TEPSIN: variants seen among roughly 807,000 people sequenced by gnomAD.
TEPSIN encodes the protein TEPSIN adaptor related protein complex 4 accessory protein, also known as AP-4 complex accessory subunit tepsin.
Under a neutral mutation model 48.5 loss-of-function variants are expected in TEPSIN, and 50 were observed. The observed-to-expected ratio is 1.03, with a 90% CI of 0.82 to 1.31. The LOEUF is 1.31. Among genes scored for constraint, TEPSIN ranks in the 50% most tolerant of loss-of-function variants. TEPSIN has a pLI of 0.00. For synonymous variants in TEPSIN, 392 were observed against 358.8 expected (o/e 1.09, Z -1.05); for missense variants, 838 against 815.9 (o/e 1.03, Z -0.33).
Position 81,230,655 on chromosome 17 carries a change from G to A in TEPSIN, c.1122C>T (p.Ser374=). The A allele has an allele frequency of 6.3e-7, 1 of 1,576,876 alleles. No individual in the cohort carries two copies. The highest frequency in any genetic ancestry group is 1.4e-5 in the African/African-American group (1 of 73,800). The change falls in exon 12 of 13, where the codon TCC becomes TCT. Residue 374 remains serine (S), a synonymous_variant. Transcript: ENST00000637944. This position sits in a 1 kb window ranked among gnomAD's most constrained non-coding sequence, Gnocchi z 4.2. ...TQLRALCAIA[S]LGSSDLLPQE... ...GGGGGAGGAGGTCGCTGCTCCCCAG[G>A]GAGGCGATGGCACACAGCGCCCTCT...
At chr17:81,236,222 C>G (rs2062717792) in intron 4 of TEPSIN, among the ~76,000 whole-genome samples, 1 of 152,244 alleles carries the variant, frequency 6.6e-6, no homozygotes, top group South Asian at 2.1e-4. Flanking sequence ...GGGGCCCCGC[C>G]TCTCCTGCCT....
intron 11 of TEPSIN, chr17:81,231,042 GAC>G: frequency 4.3e-6 from 2 of 468,462 alleles, no homozygotes; most frequent in South Asian, 5.5e-5. Context: ...CACGCCCCCC[GAC>G]ACACGCACAC....
Position 81,228,811 on chromosome 17 carries a change from C to T in TEPSIN, c.*117G>A, listed in dbSNP as rs1598343948. ...GGGGAAACTGAGGTAGCCCTAGGGT[C>T]GTCCTCTCAAGTCAAGCTGCCTGGA... On this transcript the variant is annotated 3_prime_UTR_variant, in exon 13 of 13. Transcript: ENST00000637944. The T allele has an allele frequency of 7.1e-6, 9 of 1,266,866 alleles. No individual in the cohort carries two copies. Among genetic ancestry groups the T allele is most frequent in the Middle Eastern group, 5.2e-4 (2 of 3,822 alleles). 78.5% of individuals were successfully genotyped at this position (1,266,866 alleles called of 1,614,324 possible).
In TEPSIN at chr17:81,233,905, C is replaced by G; in HGVS notation, c.375+76G>C. ...GATGGGAGAACTGCAAACCCCCCAG[C>G]TGACATCCTGGCCCCAATCCCACCC... On this transcript the variant is annotated intron_variant, in intron 5 of 12. Coordinates refer to ENST00000637944, the MANE Select transcript of TEPSIN (RefSeq NM_001363764.2). This position sits in a 1 kb window ranked among gnomAD's most constrained non-coding sequence, Gnocchi z 5.8. 1 of 1,491,672 alleles carries G rather than the reference C, an allele frequency of 6.7e-7. No homozygotes were observed. Among genetic ancestry groups the G allele is most frequent in the Non-Finnish European group, 9.0e-7 (1 of 1,111,554 alleles). The allele number at this position is 1,491,672 out of a possible 1,614,324, so 92.4% of individuals were successfully genotyped here.
At chr17:81,238,144 T>G in intron 1 of TEPSIN, 5 of 985,522 alleles carry the variant, frequency 5.1e-6, no homozygotes, top group Non-Finnish European at 6.0e-6. Context: ...AGCCTTTCGG[T>G]CGGAAGGGCC....
chr17:81,231,182 C>T (rs965020237), intron 11 of TEPSIN: 5 of 597,946 alleles, frequency 8.4e-6, no homozygotes, highest in East Asian at 2.8e-5. Flanking sequence ...GTGTACACAC[C>T]GCACACATGC....
chr17:81,230,316 G>T lies in TEPSIN; in HGVS notation c.1233+228C>A. ...TGGGGGCTTCCAGGAATAGGTAGAG[G>T]CCAGTGTACTGTGAGTGCTGCAGAG... On this transcript the variant is annotated intron_variant, in intron 12 of 12. Coordinates refer to ENST00000637944, the MANE Select transcript of TEPSIN (RefSeq NM_001363764.2). The surrounding 1 kb of genome is among the most constrained non-coding windows in gnomAD (Gnocchi z 4.2). 1 of 544,682 alleles carries T rather than the reference G, an allele frequency of 1.8e-6. No homozygotes were observed. The highest frequency in any genetic ancestry group is 3.2e-6 in the Non-Finnish European group (1 of 314,654). 33.7% of individuals were successfully genotyped at this position (544,682 alleles called of 1,614,324 possible).
chr17:81,237,136 A>G, intron 2 of TEPSIN, 65 bp from the exon 3 acceptor site: 1 of 1,480,150 alleles, frequency 6.8e-7, no homozygotes, highest in Non-Finnish European at 9.2e-7. Flanking sequence ...CAGGGAGACC[A>G]GGCCATGGGG....
intron 8 of TEPSIN, 32 bp from the exon 9 acceptor site, chr17:81,232,053 T>C: frequency 5.0e-6 from 8 of 1,594,100 alleles, no homozygotes; most frequent in South Asian, 1.1e-5. Context: ...GTGAGATCCC[T>C]GGGGCTTCAG....
rs747438452 is a variant in TEPSIN, at chr17:81,231,620, C to T, written c.977G>A (p.Arg326His). 19 of 1,613,032 alleles carry T rather than the reference C, an allele frequency of 1.2e-5. No individual in the cohort carries two copies. Among genetic ancestry groups the T allele is most frequent in the African/African-American group, 6.7e-5 (5 of 74,910 alleles). ...SLVRTVTRGPRAFLSREEAQH... is the reference protein window; with the variant it reads ...SLVRTVTRGPHAFLSREEAQH... Reference sequence around the variant, plus strand: ...TGCCTCCTCGCGGCTCAGGAAGGCGCGTGGTCCCCGAGTCACAGTCCTCAC... The same window carrying T: ...TGCCTCCTCGCGGCTCAGGAAGGCGTGTGGTCCCCGAGTCACAGTCCTCAC... Residue 326 changes from arginine to histidine, a missense_variant, in exon 10 of 13, where the codon CGC becomes CAC. Physicochemically the swap from Arg to His is conservative, Grantham distance 29 (BLOSUM62 0). Coordinates refer to ENST00000637944, the MANE Select transcript of TEPSIN (RefSeq NM_001363764.2).
rs779676911 is a variant in TEPSIN at position 81,229,008 on chromosome 17, G to A, written c.1702C>T (p.Pro568Ser). The change falls in exon 13 of 13, where the codon CCC (proline) becomes TCC (serine). Residue 568 changes from proline to serine, a missense_variant. Coordinates refer to ENST00000637944, the MANE Select transcript of TEPSIN (RefSeq NM_001363764.2). ...GCTGTCCTCTGGGACGATGTTTGGGGGGCGCGGGGAGCATCAGGACAGGAC... is the reference window on the plus strand; with the variant it reads ...GCTGTCCTCTGGGACGATGTTTGGGAGGCGCGGGGAGCATCAGGACAGGAC... ...GESCPDAPRA[P>S]QTSSQRTAAK... is the part of the protein sequence containing the mutation. 4.3e-6 allele frequency: 7 copies of A among 1,613,538 alleles called. No homozygotes were observed. The Admixed American group carries it at 1.0e-4, about 23-fold the overall frequency.
In TEPSIN at chr17:81,230,495, C is replaced by T. The variant is rs1378693746; in HGVS notation, c.1233+49G>A. 5 of 1,602,904 alleles carry T rather than the reference C, an allele frequency of 3.1e-6. No homozygotes were observed. The East Asian group carries it at 9.0e-5, about 29-fold the overall frequency. On this transcript the variant is annotated intron_variant, in intron 12 of 12. Transcript: ENST00000637944. The surrounding 1 kb of genome is among the most constrained non-coding windows in gnomAD (Gnocchi z 4.2). ...TGGCCGTGGACTGCAGCGTATCTCC[C>T]ACTGTACCCTTGGACCCCGGTGTGC... is the stretch of plus-strand genomic sequence containing the variant.
chr17:81,233,483 GC>G lies in TEPSIN; in HGVS notation c.474del (p.Arg158SerfsTer63). 6.2e-7 allele frequency: 1 copy of G among 1,606,270 alleles called. No homozygotes were observed. The highest frequency in any genetic ancestry group is 8.5e-7 in the Non-Finnish European group (1 of 1,176,506). ...PPATGMGSQA[R>X]PHSTLQGFGY... is the part of the protein sequence containing the mutation. ...CCGAAACCCTGGAGGGTGCTGTGCG[GC>G]CTGGCCTGGGAGCCCATGCCTGCAG... On this transcript the variant is annotated frameshift_variant, in exon 7 of 13. Transcript: ENST00000637944. LOFTEE classifies it high-confidence loss of function. The surrounding 1 kb of genome is among the most constrained non-coding windows in gnomAD (Gnocchi z 5.8).
intron 1 of TEPSIN, chr17:81,238,361 C>A: frequency 3.4e-6 from 1 of 297,262 alleles, no homozygotes; most frequent in Non-Finnish European, 5.0e-6. Context: ...TGGCTTCTGG[C>A]AGCCCAAGGT....
In TEPSIN at chr17:81,229,368, C is replaced by T. The variant is rs756668481; in HGVS notation, c.1342G>A (p.Asp448Asn). ...ALPGPSDLLTDAVPLPGSQVF... is the reference protein window; with the variant it reads ...ALPGPSDLLTNAVPLPGSQVF... ...TGGCTCCCAGGGAGAGGCACAGCGTCGGTCAGCAGGTCAGATGGGCCTGGG... is the reference window on the plus strand; with the variant it reads ...TGGCTCCCAGGGAGAGGCACAGCGTTGGTCAGCAGGTCAGATGGGCCTGGG... The change falls in exon 13 of 13, where the codon GAC becomes AAC. Residue 448 changes from aspartate (D) to asparagine (N), a missense_variant. By Grantham distance (23) the Asp-to-Asn change is conservative. Transcript: ENST00000637944. 1.9e-5 allele frequency: 29 copies of T among 1,558,946 alleles called. No individual in the cohort carries two copies. Among genetic ancestry groups the T allele is most frequent in the South Asian group, 9.4e-5 (8 of 84,680 alleles).
rs763646180 is a variant in TEPSIN at position 81,237,586 on chromosome 17, A to T, written c.49-127T>A. Reference sequence around the variant, plus strand: ...TGACATGGCCGGAGAGAGGACTGGGAAGGGATGAGAACTGTGCTACTGGCC... The same window carrying T: ...TGACATGGCCGGAGAGAGGACTGGGTAGGGATGAGAACTGTGCTACTGGCC... On this transcript the variant is annotated intron_variant, in intron 1 of 12. Transcript: ENST00000637944. The T allele has an allele frequency of 4.0e-5, 40 of 992,796 alleles. No homozygotes were observed. In the African/African-American group the frequency reaches 4.6e-4, roughly 11 times the overall value. The allele number at this position is 992,796 out of a possible 1,614,324, so 61.5% of individuals were successfully genotyped here.
chr17:81,237,706 C>T (rs527773027), intron 1 of TEPSIN: 65 of 571,408 alleles, frequency 1.1e-4, no homozygotes, highest in African/African-American at 9.6e-4. Flanking sequence ...GGAGGAGCTG[C>T]GCCACTTGGG....
At chr17:81,238,503 G>A in intron 1 of TEPSIN, 1 of 620,682 alleles carries the variant, frequency 1.6e-6, no homozygotes, top group Non-Finnish European at 2.0e-6. Context: ...GGTTTACTAA[G>A]AGGGGCTTAC....
Position 81,237,661 on chromosome 17 carries a change from C to G in TEPSIN, c.49-202G>C. On this transcript the variant is annotated intron_variant, in intron 1 of 12. Coordinates refer to ENST00000637944, the MANE Select transcript of TEPSIN (RefSeq NM_001363764.2). ...CTCTCAACAGTCAGGGATGAACAGC[C>G]TCGGAGAAGAGGCAAATCAATGGTG... The G allele has an allele frequency of 4.8e-6, 3 of 625,472 alleles. No individual in the cohort carries two copies. In the South Asian group the frequency reaches 6.1e-5, roughly 13 times the overall value. The allele number at this position is 625,472 out of a possible 1,614,324, so 38.7% of individuals were successfully genotyped here.
Sources: allele counts gnomAD v4.1 joint callset (sites outside exome capture counted in the v4.1 genomes callset), GRCh38; gene constraint gnomAD v4.1.1; non-coding constraint Gnocchi (gnomAD v3.1); transcripts MANE v1.5; gene names NCBI Gene and HGNC (gene_info 2026-07-23, HGNC 2026-07-21).